Variants in SETDB1 observed in about 807,000 individuals in gnomAD.
SETDB1 encodes the protein histone-lysine N-methyltransferase SETDB1.
SETDB1 carries 31 observed loss-of-function variants against 137.4 expected under a neutral mutation model. The observed-to-expected ratio is 0.23, with a 90% CI of 0.17 to 0.30. The LOEUF (loss-of-function observed/expected upper bound fraction) is 0.30. SETDB1 is among the 10% of genes least tolerant of loss of function. SETDB1 has a pLI of 1.00. For synonymous variants in SETDB1, 548 were observed against 579.9 expected (o/e 0.95, Z 0.79); for missense variants, 1,113 against 1,631.5 (o/e 0.68, Z 5.47).
chr1:150,949,738 C>A (rs994095556), intron 12 of SETDB1, among the ~76,000 whole-genome samples: 3 of 152,186 alleles, frequency 2.0e-5, no homozygotes, highest in African/African-American at 7.2e-5. Flanking sequence ...ATGGTATCAT[C>A]TGAAAGCCAT....
At chr1:150,940,765 T>C (rs1670114034) in intron 4 of SETDB1, among the ~76,000 whole-genome samples, 3 of 151,800 alleles carry the variant, frequency 2.0e-5, no homozygotes, top group Admixed American at 6.6e-5. Context: ...TTTGGGAGGC[T>C]GAGGCGGGTG....
At chr1:150,941,535 C>A in intron 5 of SETDB1, 107 bp downstream of exon 5, 6 of 658,628 alleles carry the variant, frequency 9.1e-6, no homozygotes, top group African/African-American at 1.8e-5. Context: ...GACTCAGTAT[C>A]CTTAGTAGTT....
At chr1:150,962,007 C>A in intron 16 of SETDB1, 123 bp from the exon 17 acceptor site, 1 of 1,161,504 alleles carries the variant, frequency 8.6e-7, no homozygotes, top group East Asian at 2.4e-5. Flanking sequence ...GTTTACCCAC[C>A]CCACTTTAGA....
chr1:150,960,924 C>G lies in SETDB1; in HGVS notation c.2865C>G (p.Pro955=). The G allele has an allele frequency of 1.2e-6, 2 of 1,613,702 alleles. No individual in the cohort carries two copies. The highest frequency in any genetic ancestry group is 1.1e-5 in the South Asian group (1 of 91,060). The change falls in exon 16 of 22, where the codon CCC becomes CCG. Residue 955 remains proline (P), a synonymous_variant. Transcript: ENST00000692827. ...SKDSHPPDLG[P]PHIPVPPSIP... ...ACTCCCACCCCCCAGATCTTGGACCCCCACATATTCCTGTTCCTCCCTCAA... is the reference window on the plus strand; with the variant it reads ...ACTCCCACCCCCCAGATCTTGGACCGCCACATATTCCTGTTCCTCCCTCAA...
chr1:150,961,342 C>T, intron 16 of SETDB1, 151 bp downstream of exon 16: 1 of 819,560 alleles, frequency 1.2e-6, no homozygotes. Flanking sequence ...TAGCACATTC[C>T]TAGTGTTTGT....
At chr1:150,950,427 T>C in intron 12 of SETDB1, 31 bp from the exon 13 acceptor site, 1 of 1,534,208 alleles carries the variant, frequency 6.5e-7, no homozygotes. Context: ...CCTGTTGCCT[T>C]CCGATCTGAT....
intron 13 of SETDB1, 96 bp downstream of exon 13, chr1:150,951,186 A>G: frequency 7.3e-7 from 1 of 1,360,858 alleles, no homozygotes; most frequent in Non-Finnish European, 1.0e-6. Flanking sequence ...TGCTTTCCCC[A>G]TCTTCCTTTA....
intron 14 of SETDB1, among the ~76,000 whole-genome samples, chr1:150,952,597 C>T (rs184419214): frequency 4.2e-4 from 64 of 151,956 alleles, no homozygotes; most frequent in African/African-American, 1.4e-3. Context: ...TTTGAAATGC[C>T]GCCGGGCGCA....
chr1:150,927,174 C>A (rs1285927639), intron 1 of SETDB1, among the ~76,000 whole-genome samples: 1 of 152,170 alleles, frequency 6.6e-6, no homozygotes, highest in African/African-American at 2.4e-5. Context: ...GTCACCCAAG[C>A]TGGAATGCAT....
intron 14 of SETDB1, among the ~76,000 whole-genome samples, chr1:150,956,588 C>G (rs1670648174): frequency 6.6e-6 from 1 of 152,134 alleles, no homozygotes; most frequent in Admixed American, 6.5e-5. Context: ...TTTAAGGGAC[C>G]TAACAAAGTT....
At chr1:150,927,444 G>T (rs1035896974) in intron 1 of SETDB1, among the ~76,000 whole-genome samples, 1 of 152,062 alleles carries the variant, frequency 6.6e-6, no homozygotes, top group African/African-American at 2.4e-5. Flanking sequence ...ATTTTCAGTA[G>T]CTCTCTACTG....
chr1:150,929,202 T>A (rs587770156), intron 2 of SETDB1, among the ~76,000 whole-genome samples: 2 of 152,224 alleles, frequency 1.3e-5, no homozygotes, highest in South Asian at 4.2e-4. Flanking sequence ...AAGTTTACAG[T>A]CCCACCAACA....
chr1:150,938,933 C>T (rs1008092240), intron 3 of SETDB1, among the ~76,000 whole-genome samples: 1 of 150,600 alleles, frequency 6.6e-6, no homozygotes, highest in Admixed American at 6.6e-5. Context: ...GCAGAGGTTG[C>T]GGTGAGCCTA....
chr1:150,936,782 T>C (rs1669957785), intron 3 of SETDB1, among the ~76,000 whole-genome samples: 1 of 151,942 alleles, frequency 6.6e-6, no homozygotes, highest in Non-Finnish European at 1.5e-5. Flanking sequence ...GCCTCCCAAG[T>C]AGCTGAGACT....
intron 3 of SETDB1, among the ~76,000 whole-genome samples, chr1:150,935,240 A>G (rs1432033848): frequency 6.6e-6 from 1 of 152,146 alleles, no homozygotes; most frequent in Non-Finnish European, 1.5e-5. Context: ...TTATTTTTGT[A>G]TCATGTATAT....
chr1:150,935,117 G>C (rs1189136312), intron 3 of SETDB1, among the ~76,000 whole-genome samples: 1 of 152,178 alleles, frequency 6.6e-6, no homozygotes, highest in Non-Finnish European at 1.5e-5. Context: ...CACTGTGCCC[G>C]GCCCTACCTG....
Position 150,951,101 on chromosome 1 carries a change from GGGGGGAATT to G in SETDB1, c.2216+13_2216+21del. 6.3e-7 allele frequency: 1 copy of G among 1,596,598 alleles called. No individual in the cohort carries two copies. The highest frequency in any genetic ancestry group is 8.6e-7 in the Non-Finnish European group (1 of 1,169,264). ...TGGGTGTCGGGACAAGTGAGTTGGT[GGGGGGAATT>G]GCTGCCCCTGCTTCCAACTTTGTTA... On this transcript the variant is annotated intron_variant, in intron 13 of 21. Transcript: ENST00000692827.
Position 150,950,518 on chromosome 1 carries a change from A to AC in SETDB1, c.1649dup (p.Val551SerfsTer43), listed in dbSNP as rs1477017313. 1 of 1,613,432 alleles carries AC rather than the reference A, an allele frequency of 6.2e-7. No homozygotes were observed. The highest frequency in any genetic ancestry group is 1.1e-5 in the South Asian group (1 of 91,036). Reference sequence around the variant, plus strand: ...CCTCAGCACTCCCGGCCCCTCCAGCACCCCCAGTCTTCCATGGCATGCTGG... The same window carrying AC: ...CCTCAGCACTCCCGGCCCCTCCAGCACCCCCCAGTCTTCCATGGCATGCTGG... On this transcript the variant is annotated frameshift_variant, in exon 13 of 22. Transcript: ENST00000692827. LOFTEE classifies it high-confidence loss of function.
At chr1:150,943,640 CA>C (rs1670230292) in intron 7 of SETDB1, among the ~76,000 whole-genome samples, 1 of 152,198 alleles carries the variant, frequency 6.6e-6, no homozygotes, top group South Asian at 2.1e-4. Flanking sequence ...TGCACCACTG[CA>C]CCCCAGCCTG....
Sources: allele counts gnomAD v4.1 joint callset (sites outside exome capture counted in the v4.1 genomes callset), GRCh38; gene constraint gnomAD v4.1.1; transcripts MANE v1.5; gene names NCBI Gene and HGNC (gene_info 2026-07-23, HGNC 2026-07-21).